The following MAL variants were observed in gnomAD, a reference collection of about 807,000 sequenced individuals.
MAL encodes mal, T cell differentiation protein (MAL blood group).
MAL carries 5 observed loss-of-function variants against 16.7 expected under a neutral mutation model. The ratio of observed to expected loss-of-function variants is 0.30; its 90% CI spans 0.16 to 0.63. The LOEUF (loss-of-function observed/expected upper bound fraction) is 0.63, where lower values mean the gene tolerates loss of function less well. Among genes scored for constraint, MAL ranks in the 30% least tolerant of loss-of-function variants. The probability of loss-of-function intolerance (pLI) is 0.82; values close to 1 mark genes in which losing one functional copy is unlikely to be tolerated. For synonymous variants in MAL, 96 were observed against 85.5 expected, an observed-to-expected ratio of 1.12 and a Z score of -0.67; for missense variants, 202 against 195.8, an observed-to-expected ratio of 1.03 and a Z score of -0.19.
intron 1 of MAL, among the ~76,000 whole-genome samples, chr2:95,038,508 G>GTGAC (rs1413693324): frequency 6.7e-6 from 1 of 150,012 alleles, no homozygotes; most frequent in Non-Finnish European, 1.5e-5. Context: ...GACTGAGTGA[G>GTGAC]TGAGTGGGTG....
chr2:95,037,560 CTGAG>C (rs1199461903), intron 1 of MAL, among the ~76,000 whole-genome samples: 88 of 90,962 alleles, frequency 9.7e-4, no homozygotes, highest in African/African-American at 3.1e-3. Context: ...GAGTGAGTGA[CTGAG>C]TGAGTGAGTG....
chr2:95,037,944 C>CTGAGTGAG (rs1248083451), intron 1 of MAL, among the ~76,000 whole-genome samples: 2 of 67,336 alleles, frequency 3.0e-5, no homozygotes, highest in African/African-American at 1.2e-4. Flanking sequence ...GAGTGAGTAA[C>CTGAGTGAG]TGAGTGAGTG....
At chr2:95,030,801 A>G (rs2104329567) in intron 1 of MAL, among the ~76,000 whole-genome samples, 1 of 152,336 alleles carries the variant, frequency 6.6e-6, no homozygotes, top group South Asian at 2.1e-4. Flanking sequence ...GTGGGGAGAC[A>G]CCCGCAATCA....
At chr2:95,049,343 C>A (rs1184435167) in intron 2 of MAL, among the ~76,000 whole-genome samples, 5 of 152,196 alleles carry the variant, frequency 3.3e-5, no homozygotes, top group African/African-American at 1.2e-4. Context: ...CTCCCTTGAC[C>A]CTTCCTCAGG....
chr2:95,036,525 T>TGA (rs1674210658), intron 1 of MAL, among the ~76,000 whole-genome samples: 1 of 152,208 alleles, frequency 6.6e-6, no homozygotes, highest in South Asian at 2.1e-4. Flanking sequence ...TTCATTAAAG[T>TGA]GTGTCTTTGA....
At position 95,028,815 on chromosome 2, in the gene MAL, T is replaced by C. The variant is rs189350205; in HGVS notation, c.93+2930T>C. The stretch of plus-strand genomic sequence containing the variant: ...ACACAAGGCACAAAATGTCATATAG[T>C]GTATGATTCCGTTTATATAAAATAC... On this transcript the variant is annotated intron_variant, in intron 1 of 3. Coordinates refer to ENST00000309988, the MANE Select transcript of MAL (RefSeq NM_002371.4). 4.2e-3 allele frequency among the ~76,000 whole-genome samples: 640 copies of C among 152,320 alleles called. 1 individual carries two copies. Among genetic ancestry groups the C allele is most frequent in the Non-Finnish European group, 6.2e-3 (421 of 68,024 alleles).
chr2:95,039,598 G>A (rs1207555417), intron 1 of MAL, among the ~76,000 whole-genome samples: 1 of 151,354 alleles, frequency 6.6e-6, no homozygotes, highest in Non-Finnish European at 1.5e-5. Context: ...GTGGGTGAGT[G>A]ACTGAGTGAG....
At chr2:95,053,258 C>A (rs1674757093) in intron 3 of MAL, 123 bp from the exon 4 acceptor site, 3 of 730,638 alleles carry the variant, frequency 4.1e-6, no homozygotes, top group Middle Eastern at 3.9e-4. Context: ...GGGTGAGAAG[C>A]AATGACAGCC....
In MAL at chr2:95,049,665, G is replaced by T; in HGVS notation, c.346G>T (p.Gly116Cys). ...EALATITMQD[G>C]FTYRHYHENI... ...CCTGGCCACCATCACGATGCAAGAC[G>T]GCTTCACCTACAGGCACTACCATGA... is the stretch of plus-strand genomic sequence containing the variant. Residue 116 changes from glycine (G) to cysteine (C), a missense_variant, in exon 3 of 4, where the codon GGC (glycine) becomes TGC (cysteine). Transcript: ENST00000309988. The T allele has an allele frequency of 6.2e-7, 1 of 1,614,120 alleles. No homozygotes were observed. Among genetic ancestry groups the T allele is most frequent in the Non-Finnish European group, 8.5e-7 (1 of 1,180,004 alleles).
At chr2:95,038,603 GGTGAGTGACTGAGTGAGTGA>G (rs1674329178) in intron 1 of MAL, among the ~76,000 whole-genome samples, 10 of 50,808 alleles carry the variant, frequency 2.0e-4, no homozygotes, top group Admixed American at 1.8e-3. Context: ...TGACTGAGTG[GGTGAGTGACTGAGTGAGTGA>G]GTGAGTGACT....
At chr2:95,026,805 C>T (rs1673953435) in intron 1 of MAL, 1 of 152,160 alleles carries the variant, frequency 6.6e-6, no homozygotes, top group African/African-American at 2.4e-5. Context: ...TTTCCGGCAC[C>T]CCACCCTCAG....
chr2:95,032,724 AC>A (rs1332840830), intron 1 of MAL, among the ~76,000 whole-genome samples: 2 of 151,776 alleles, frequency 1.3e-5, no homozygotes, highest in African/African-American at 4.8e-5. Context: ...TGCCTTTGAC[AC>A]CCTGGTGAAA....
chr2:95,030,343 C>G (rs537822970), intron 1 of MAL, among the ~76,000 whole-genome samples: 2 of 152,358 alleles, frequency 1.3e-5, no homozygotes, highest in East Asian at 3.9e-4. Flanking sequence ...AGCCAATGCT[C>G]TCCCCTCCTC....
rs780966454 is a variant in MAL, at chr2:95,047,995, T to C, written c.130T>C (p.Ser44Pro). 2 of 1,605,446 alleles carry C rather than the reference T, an allele frequency of 1.2e-6. No individual in the cohort carries two copies. Among genetic ancestry groups the C allele is most frequent in the Non-Finnish European group, 1.7e-6 (2 of 1,176,242 alleles). Residue 44 changes from serine to proline, a missense_variant, in exon 2 of 4, where the codon TCC becomes CCC. By Grantham distance (74) the Ser-to-Pro change is moderately conservative. Coordinates refer to ENST00000309988, the MANE Select transcript of MAL (RefSeq NM_002371.4). ...CCTGGTGTGGATCCTGGTGGCCTCCTCCCTGGTGCCCTGGCCCCTGGTCCA... is the reference window on the plus strand; with the variant it reads ...CCTGGTGTGGATCCTGGTGGCCTCCCCCCTGGTGCCCTGGCCCCTGGTCCA... Reference protein sequence around the residue: ...GGLVWILVASSLVPWPLVQGW... With the variant: ...GGLVWILVASPLVPWPLVQGW...
intron 3 of MAL, 74 bp downstream of exon 3, chr2:95,049,780 T>G: frequency 6.3e-7 from 1 of 1,586,338 alleles, no homozygotes; most frequent in Non-Finnish European, 8.6e-7. Context: ...GGAGGCTGCC[T>G]AGGCCCTTGG....
At chr2:95,026,354 G>A (rs1673937178) in intron 1 of MAL, 1 of 153,056 alleles carries the variant, frequency 6.5e-6, no homozygotes, top group Non-Finnish European at 1.5e-5. Context: ...ATTTGGAGAT[G>A]AGAGGGAGCT....
chr2:95,033,108 A>T (rs1674126876), intron 1 of MAL, among the ~76,000 whole-genome samples: 1 of 151,948 alleles, frequency 6.6e-6, no homozygotes, highest in African/African-American at 2.4e-5. Context: ...GGGCAGGGGG[A>T]GGAGACAGAA....
chr2:95,050,904 C>T (rs1337908428), intron 3 of MAL, among the ~76,000 whole-genome samples: 1 of 152,202 alleles, frequency 6.6e-6, no homozygotes, highest in African/African-American at 2.4e-5. Context: ...GGTGAGCCAC[C>T]CTCCATCTTC....
At chr2:95,039,881 A>T (rs993429800) in intron 1 of MAL, among the ~76,000 whole-genome samples, 17 of 152,130 alleles carry the variant, frequency 1.1e-4, no homozygotes, top group African/African-American at 3.9e-4. Flanking sequence ...GCCTCTCAGA[A>T]CTGGAACAGA....
Sources: allele counts gnomAD v4.1 joint callset (sites outside exome capture counted in the v4.1 genomes callset), GRCh38; gene constraint gnomAD v4.1.1; transcripts MANE v1.5; gene names NCBI Gene and HGNC (gene_info 2026-07-23, HGNC 2026-07-21).